Variants in PLCG1 observed in about 807,000 individuals in gnomAD.
The protein encoded by PLCG1 is 1-phosphatidylinositol 4,5-bisphosphate phosphodiesterase gamma-1.
PLCG1 carries 71 observed loss-of-function variants against 177.8 expected under a neutral mutation model. That is an observed-to-expected ratio of 0.40 (90% CI 0.33 to 0.49). The LOEUF (loss-of-function observed/expected upper bound fraction) is 0.49. PLCG1 is among the 20% of genes least tolerant of loss of function. PLCG1 has a pLI of 0.72. For missense variants in PLCG1, 1,281 were observed against 1,709.0 expected (o/e 0.75, Z 4.42); for synonymous variants, 658 against 647.9 (o/e 1.02, Z -0.24).
Position 41,166,333 on chromosome 20 carries a change from A to G in PLCG1, c.1939A>G (p.Asn647Asp), listed in dbSNP as rs1181851164. 3 of 1,614,024 alleles carry G rather than the reference A, an allele frequency of 1.9e-6. No individual in the cohort carries two copies. The highest frequency in any genetic ancestry group is 2.5e-6 in the Non-Finnish European group (3 of 1,180,050). ...THYQQVPLRC[N>D]EFEMRLSEPV... The stretch of plus-strand genomic sequence containing the variant: ...CTACCAGCAGGTGCCCCTGCGCTGT[A>G]ATGAGTTTGAGATGCGACTTTCAGA... The change falls in exon 17 of 32, where the codon AAT becomes GAT. Residue 647 changes from asparagine (N) to aspartate (D), a missense_variant. Around this residue, in one of 4 missense-constraint regions of PLCG1, gnomAD observed 723 missense variants for 1,030.0 expected, o/e 0.70. Coordinates refer to ENST00000685551, the MANE Select transcript of PLCG1 (RefSeq NM_002660.3). This position sits in a 1 kb window ranked among gnomAD's most constrained non-coding sequence, Gnocchi z 8.6.
At position 41,164,765 on chromosome 20, in the gene PLCG1, A is replaced by C. The variant is rs529014632; in HGVS notation, c.1218-168A>C. On this transcript the variant is annotated intron_variant, in intron 12 of 31. Coordinates refer to ENST00000685551, the MANE Select transcript of PLCG1 (RefSeq NM_002660.3). The surrounding 1 kb of genome is among the most constrained non-coding windows in gnomAD (Gnocchi z 6.4). ...TGGTTTCCACTGCTGCCACAGCTGT[A>C]GAACCCCTCTCTGCCCCACCAGTGG... Among the ~76,000 whole-genome samples the C allele has an allele frequency of 3.9e-3, 589 of 152,294 alleles. 2 individuals carry two copies. Among genetic ancestry groups the C allele is most frequent in the Non-Finnish European group, 5.7e-3 (386 of 68,016 alleles).
Position 41,146,742 on chromosome 20 carries a change from T to C in PLCG1, c.217+8884T>C, listed in dbSNP as rs2035006886. Among the ~76,000 whole-genome samples the C allele has an allele frequency of 6.6e-6, 1 of 152,214 alleles. No homozygotes were observed. ...GCATGGGCTTGGGTCATAGTGTCCT[T>C]GGCTTGGCCTTGCCCATGGTAGGAG... On this transcript the variant is annotated intron_variant, in intron 1 of 31. Coordinates refer to ENST00000685551, the MANE Select transcript of PLCG1 (RefSeq NM_002660.3). The surrounding 1 kb of genome is among the most constrained non-coding windows in gnomAD (Gnocchi z 6.3).
chr20:41,159,440 A>C lies in PLCG1; in HGVS notation c.218-166A>C, dbSNP rs559673106. ...TTACTTAGCAAAGGCCTATCCCTAG[A>C]CTCAACCCAGCCCTCTTATTACCAG... On this transcript the variant is annotated intron_variant, in intron 1 of 31. Coordinates refer to ENST00000685551, the MANE Select transcript of PLCG1 (RefSeq NM_002660.3). This position sits in a 1 kb window ranked among gnomAD's most constrained non-coding sequence, Gnocchi z 6.0. 7.2e-5 allele frequency among the ~76,000 whole-genome samples: 11 copies of C among 151,884 alleles called. No homozygotes were observed. Among genetic ancestry groups the C allele is most frequent in the Non-Finnish European group, 1.3e-4 (9 of 67,942 alleles).
At chr20:41,169,044 G>A (rs368883814) in intron 21 of PLCG1, 35 bp from the exon 22 acceptor site, 5 of 1,518,880 alleles carry the variant, frequency 3.3e-6, no homozygotes, top group African/African-American at 1.4e-5. Flanking sequence ...AGTTCGGGGT[G>A]GTTGCTGGAG....
In PLCG1 at chr20:41,159,212, C is replaced by A. The variant is rs2035415539; in HGVS notation, c.218-394C>A. On this transcript the variant is annotated intron_variant, in intron 1 of 31. Coordinates refer to ENST00000685551, the MANE Select transcript of PLCG1 (RefSeq NM_002660.3). This position sits in a 1 kb window ranked among gnomAD's most constrained non-coding sequence, Gnocchi z 6.0. ...TGAGGCCCATCTTGACCTACCCAGC[C>A]CTGCCTCTGGGACTTTATGATTTGA... Among the ~76,000 whole-genome samples the A allele has an allele frequency of 3.9e-5, 6 of 152,278 alleles. No individual in the cohort carries two copies. In the South Asian group the frequency reaches 1.2e-3, roughly 32 times the overall value.
In PLCG1 at chr20:41,174,823, G is replaced by A; in HGVS notation, c.*314G>A. 1 of 371,826 alleles carries A rather than the reference G, an allele frequency of 2.7e-6. No individual in the cohort carries two copies. Among genetic ancestry groups the A allele is most frequent in the East Asian group, 5.8e-5 (1 of 17,114 alleles). The allele number at this position is 371,826 out of a possible 1,614,324, so 23.0% of individuals were successfully genotyped here. ...CCAGGACCATGGCCGAAGCCCCTTG[G>A]AGAGAGAGGCTGCCTCAGCCAGTGG... On this transcript the variant is annotated 3_prime_UTR_variant, in exon 32 of 32. Transcript: ENST00000685551. The surrounding 1 kb of genome is among the most constrained non-coding windows in gnomAD (Gnocchi z 5.8).
In PLCG1 at chr20:41,163,687, C is replaced by T. The variant is rs770702889; in HGVS notation, c.892-28C>T. ...GTTGGACAGGGCAGGGACTCACTGT[C>T]TCTTCCCTTCCACATGTTTCTGGAC... On this transcript the variant is annotated intron_variant, in intron 9 of 31. Transcript: ENST00000685551. This position sits in a 1 kb window ranked among gnomAD's most constrained non-coding sequence, Gnocchi z 5.2. The T allele has an allele frequency of 1.4e-6, 2 of 1,465,130 alleles. No individual in the cohort carries two copies. Among genetic ancestry groups the T allele is most frequent in the South Asian group, 1.1e-5 (1 of 88,040 alleles). 90.8% of individuals were successfully genotyped at this position (1,465,130 alleles called of 1,614,324 possible). A position where few individuals can be genotyped will look rare whatever the true frequency, so the allele number is the denominator to read the frequency against.
chr20:41,175,241 G>A lies in PLCG1; in HGVS notation c.*732G>A, dbSNP rs2036027940. On this transcript the variant is annotated 3_prime_UTR_variant, in exon 32 of 32. Coordinates refer to ENST00000685551, the MANE Select transcript of PLCG1 (RefSeq NM_002660.3). ...ACCTTGGAGAGGAGAGTGGCAGGTG[G>A]GCTGCCTGCTGTGTTAAGAGGACTT... is the stretch of plus-strand genomic sequence containing the variant. The A allele has an allele frequency of 6.6e-6, 1 of 152,298 alleles. No homozygotes were observed. Among genetic ancestry groups the A allele is most frequent in the Non-Finnish European group, 1.5e-5 (1 of 68,040 alleles). 9.4% of individuals were successfully genotyped at this position (152,298 alleles called of 1,614,324 possible).
chr20:41,169,670 C>A, intron 23 of PLCG1, 144 bp downstream of exon 23: 1 of 670,442 alleles, frequency 1.5e-6, no homozygotes, highest in Non-Finnish European at 2.7e-6. Flanking sequence ...TCTGGACATC[C>A]CCTTGACACC....
chr20:41,165,673 A>T lies in PLCG1; in HGVS notation c.1646A>T (p.Lys549Met). ...AGCACAGAGCTGCACTCCAATGAGA[A>T]GTGGTTCCATGGGAAGCTAGGGGCA... ...SSSTELHSNE[K>M]WFHGKLGAGR... The change falls in exon 16 of 32, where the codon AAG (lysine) becomes ATG (methionine). Residue 549 changes from lysine (K) to methionine (M), a missense_variant. Physicochemically the swap from Lys to Met is moderately conservative, Grantham distance 95. This residue lies in a region of PLCG1 where 723 missense variants were observed against 1,030.0 expected (regional missense o/e 0.70). Coordinates refer to ENST00000685551, the MANE Select transcript of PLCG1 (RefSeq NM_002660.3). The surrounding 1 kb of genome is among the most constrained non-coding windows in gnomAD (Gnocchi z 6.6). 6.2e-7 allele frequency: 1 copy of T among 1,613,980 alleles called. No individual in the cohort carries two copies. Among genetic ancestry groups the T allele is most frequent in the Non-Finnish European group, 8.5e-7 (1 of 1,179,928 alleles).
chr20:41,143,359 G>C (rs1175172883), intron 1 of PLCG1, among the ~76,000 whole-genome samples: 3 of 152,216 alleles, frequency 2.0e-5, no homozygotes, highest in African/African-American at 7.2e-5. Flanking sequence ...AGTGAGGCCT[G>C]AGATTGCAAA....
In PLCG1 at chr20:41,174,741, A is replaced by C; in HGVS notation, c.*232A>C. ...AGGCAAAAACTGTACTGTGTTTCGC[A>C]TTAAGCACACACATCTGGCCCTGAC... On this transcript the variant is annotated 3_prime_UTR_variant, in exon 32 of 32. Coordinates refer to ENST00000685551, the MANE Select transcript of PLCG1 (RefSeq NM_002660.3). The surrounding 1 kb of genome is among the most constrained non-coding windows in gnomAD (Gnocchi z 5.8). The C allele has an allele frequency of 1.8e-6, 1 of 561,202 alleles. No homozygotes were observed. The allele number at this position is 561,202 out of a possible 1,614,324, so 34.8% of individuals were successfully genotyped here.
chr20:41,170,435 A>C, intron 24 of PLCG1, 166 bp downstream of exon 24: 1 of 647,122 alleles, frequency 1.5e-6, no homozygotes, highest in Non-Finnish European at 2.7e-6. Flanking sequence ...AAACAGACAC[A>C]TAAGATGCAA....
chr20:41,167,393 G>C lies in PLCG1; in HGVS notation c.2302-459G>C, dbSNP rs1363930298. Among the ~76,000 whole-genome samples the C allele has an allele frequency of 6.6e-6, 1 of 152,194 alleles. No individual in the cohort carries two copies. Among genetic ancestry groups the C allele is most frequent in the East Asian group, 1.9e-4 (1 of 5,200 alleles). ...GAGAGACTGCTGTCGTCAGTAGACA[G>C]GGCTGGCTGGGGAGAGAGAGGCCTG... On this transcript the variant is annotated intron_variant, in intron 19 of 31. Transcript: ENST00000685551. The surrounding 1 kb of genome is among the most constrained non-coding windows in gnomAD (Gnocchi z 4.4).
At position 41,166,990 on chromosome 20, in the gene PLCG1, G is replaced by T; in HGVS notation, c.2301+131G>T. 3 of 810,540 alleles carry T rather than the reference G, an allele frequency of 3.7e-6. No homozygotes were observed. In the Admixed American group the frequency reaches 6.3e-5, roughly 17 times the overall value. 50.2% of individuals were successfully genotyped at this position (810,540 alleles called of 1,614,324 possible). A position where few individuals can be genotyped will look rare whatever the true frequency, so the allele number is the denominator to read the frequency against. Reference sequence around the variant, plus strand: ...GTTCGTGGGAGGGCCCCTGACTCCAGCTGGGAGCCACAGTGTGGGTACCAG... The same window carrying T: ...GTTCGTGGGAGGGCCCCTGACTCCATCTGGGAGCCACAGTGTGGGTACCAG... On this transcript the variant is annotated intron_variant, in intron 19 of 31. Coordinates refer to ENST00000685551, the MANE Select transcript of PLCG1 (RefSeq NM_002660.3). The surrounding 1 kb of genome is among the most constrained non-coding windows in gnomAD (Gnocchi z 8.6).
At position 41,163,806 on chromosome 20, in the gene PLCG1, A is replaced by G; in HGVS notation, c.983A>G (p.His328Arg). Residue 328 changes from histidine to arginine, a missense_variant, in exon 10 of 32, where the codon CAC becomes CGC. Physicochemically the swap from His to Arg is conservative, Grantham distance 29 (BLOSUM62 0). This residue lies in a region of PLCG1 where 374 missense variants were observed against 443.8 expected (regional missense o/e 0.84). Transcript: ENST00000685551. This position sits in a 1 kb window ranked among gnomAD's most constrained non-coding sequence, Gnocchi z 5.2. ...CPDTMNNPLS[H>R]YWISSSHNTY... The stretch of plus-strand genomic sequence containing the variant: ...GACACCATGAACAACCCTCTTTCCC[A>G]CTACTGGATCTCCTCCTCGCACAAC... The G allele has an allele frequency of 6.2e-7, 1 of 1,613,338 alleles. No homozygotes were observed. Among genetic ancestry groups the G allele is most frequent in the Non-Finnish European group, 8.5e-7 (1 of 1,179,436 alleles).
chr20:41,172,749 C>G lies in PLCG1; in HGVS notation c.3151C>G (p.Gln1051Glu), dbSNP rs769868213. The change falls in exon 27 of 32, where the codon CAG becomes GAG. Residue 1051 changes from glutamine (Q) to glutamate (E), a missense_variant. Around this residue, in one of 4 missense-constraint regions of PLCG1, gnomAD observed 723 missense variants for 1,030.0 expected, o/e 0.70. Transcript: ENST00000685551. This position sits in a 1 kb window ranked among gnomAD's most constrained non-coding sequence, Gnocchi z 7.0. ...QTPDKPMQMN[Q>E]ALFMTGRHCG... ...TCCAGACAAGCCTATGCAGATGAAC[C>G]AGGCCCTCTTCATGACGGGCAGGCA... 2 of 1,614,150 alleles carry G rather than the reference C, an allele frequency of 1.2e-6. No individual in the cohort carries two copies. The highest frequency in any genetic ancestry group is 1.7e-6 in the Non-Finnish European group (2 of 1,180,016).
intron 1 of PLCG1, among the ~76,000 whole-genome samples, chr20:41,138,322 G>T (rs2034682545): frequency 6.6e-6 from 1 of 152,144 alleles, no homozygotes; most frequent in Admixed American, 6.5e-5. Flanking sequence ...GCTCTTATTT[G>T]CAAAGGAATC....
At chr20:41,145,351 G>C (rs1160727852) in intron 1 of PLCG1, among the ~76,000 whole-genome samples, 2 of 152,218 alleles carry the variant, frequency 1.3e-5, no homozygotes, top group Non-Finnish European at 2.9e-5. Context: ...GATGCATGTG[G>C]TGAGTGTGGC....
Sources: gnomAD v4.1 joint callset for allele counts (sites outside exome capture counted in the v4.1 genomes callset) on GRCh38, gnomAD v4.1.1 for gene constraint, gnomAD v4.1.1 regional missense constraint, Gnocchi (gnomAD v3.1) non-coding constraint, MANE v1.5 for transcripts, NCBI Gene and HGNC (gene_info 2026-07-23, HGNC 2026-07-21) for gene names.